The following LPAR1 variants were observed in gnomAD, a reference collection of about 807,000 sequenced individuals.
LPAR1 encodes lysophosphatidic acid receptor 1.
A neutral mutation model predicts 23.8 loss-of-function variants in LPAR1; 5 were observed. That is an observed-to-expected ratio of 0.21 (90% CI 0.11 to 0.44). The LOEUF (loss-of-function observed/expected upper bound fraction) is 0.44. Among genes scored for constraint, LPAR1 ranks in the 20% least tolerant of loss-of-function variants. The probability of loss-of-function intolerance (pLI) is 0.99; values close to 1 mark genes in which losing one functional copy is unlikely to be tolerated. For synonymous variants in LPAR1, 160 were observed against 164.7 expected, an observed-to-expected ratio of 0.97 and a Z score of 0.22; for missense variants, 311 against 482.8, an observed-to-expected ratio of 0.64 and a Z score of 3.33.
In LPAR1 at chr9:110,875,272, C is replaced by A; in HGVS notation, c.*149G>T. On this transcript the variant is annotated 3_prime_UTR_variant, in exon 6 of 6. Coordinates refer to ENST00000683809, the MANE Select transcript of LPAR1 (RefSeq NM_001351411.2). Reference sequence around the variant, plus strand: ...CAATATATATCAAGTCTTGTGGGGTCCAGGAACAAATACTGTCATTGGTTA... The same window carrying A: ...CAATATATATCAAGTCTTGTGGGGTACAGGAACAAATACTGTCATTGGTTA... The A allele has an allele frequency of 1.6e-6, 1 of 620,090 alleles. No homozygotes were observed. Among genetic ancestry groups the A allele is most frequent in the Non-Finnish European group, 2.8e-6 (1 of 361,892 alleles). 38.4% of individuals were successfully genotyped at this position (620,090 alleles called of 1,614,324 possible).
chr9:110,931,049 C>T (rs190480579), intron 5 of LPAR1, among the ~76,000 whole-genome samples: 16 of 152,292 alleles, frequency 1.1e-4, no homozygotes, highest in African/African-American at 3.4e-4. Context: ...TGCCTAACAA[C>T]GGCTATTGTC....
chr9:111,023,728 T>C (rs2097614573), intron 2 of LPAR1, among the ~76,000 whole-genome samples: 2 of 152,226 alleles, frequency 1.3e-5, no homozygotes, highest in East Asian at 3.8e-4. Flanking sequence ...AGTTCATGAC[T>C]AGATAAGTGT....
intron 2 of LPAR1, among the ~76,000 whole-genome samples, chr9:110,980,118 T>G (rs374331805): frequency 1.3e-5 from 2 of 152,150 alleles, no homozygotes; most frequent in Non-Finnish European, 2.9e-5. Flanking sequence ...GTCAAAATCA[T>G]GACCTAACTA....
chr9:110,893,513 T>A (rs191012791), intron 5 of LPAR1, among the ~76,000 whole-genome samples: 96 of 152,306 alleles, frequency 6.3e-4, no homozygotes, highest in African/African-American at 2.2e-3. Context: ...CTTATATGTA[T>A]ATATACCCTA....
At position 110,874,232 on chromosome 9, in the gene LPAR1, A is replaced by G. The variant is rs1007252416; in HGVS notation, c.*1189T>C. 2 of 152,614 alleles carry G rather than the reference A, an allele frequency of 1.3e-5. No individual in the cohort carries two copies. Among genetic ancestry groups the G allele is most frequent in the Non-Finnish European group, 2.9e-5 (2 of 68,034 alleles). 9.5% of individuals were successfully genotyped at this position (152,614 alleles called of 1,614,324 possible). ...AAAATTAGAAACAACCTAAATAGTT[A>G]ACAACATGGGAATGGTTAAATAAAC... On this transcript the variant is annotated 3_prime_UTR_variant, in exon 6 of 6. Coordinates refer to ENST00000683809, the MANE Select transcript of LPAR1 (RefSeq NM_001351411.2).
intron 2 of LPAR1, among the ~76,000 whole-genome samples, chr9:111,007,874 A>C (rs980896110): frequency 1.3e-5 from 2 of 152,162 alleles, no homozygotes; most frequent in African/African-American, 4.8e-5. Flanking sequence ...GGTTTCGAGA[A>C]GTGGTATTAA....
chr9:110,976,032 A>G (rs2096546202), intron 2 of LPAR1, among the ~76,000 whole-genome samples: 1 of 152,192 alleles, frequency 6.6e-6, no homozygotes, highest in African/African-American at 2.4e-5. Context: ...CTTATTTACA[A>G]AACTGCACAA....
At chr9:110,924,238 C>CCA (rs2093843360) in intron 5 of LPAR1, among the ~76,000 whole-genome samples, 1 of 144,036 alleles carries the variant, frequency 6.9e-6, no homozygotes, top group East Asian at 2.0e-4. Flanking sequence ...ATTATAATAG[C>CCA]AAAAAAAAAA....
intron 4 of LPAR1, among the ~76,000 whole-genome samples, chr9:110,960,046 A>G (rs566842374): frequency 5.6e-4 from 85 of 152,314 alleles, no homozygotes; most frequent in Middle Eastern, 6.8e-3. Flanking sequence ...ATGGGTACAA[A>G]CATACAGTTA....
intron 5 of LPAR1, among the ~76,000 whole-genome samples, chr9:110,884,048 G>A: frequency 6.6e-6 from 1 of 150,726 alleles, no homozygotes; most frequent in East Asian, 2.0e-4. Flanking sequence ...CTGTCTTCTA[G>A]TATTTAGTCT....
At chr9:110,879,089 C>T (rs73655648) in intron 5 of LPAR1, among the ~76,000 whole-genome samples, 4,281 of 152,082 alleles carry the variant, frequency 0.028, 217 homozygotes, top group African/African-American at 0.098. Context: ...CAAACCCAGG[C>T]ACAACACCGA....
At chr9:110,946,676 A>T (rs1466971759) in intron 4 of LPAR1, among the ~76,000 whole-genome samples, 1 of 151,538 alleles carries the variant, frequency 6.6e-6, no homozygotes, top group African/African-American at 2.4e-5. Context: ...AGAAAAAAAT[A>T]AATACACACA....
chr9:111,010,955 C>T (rs1233650639), intron 2 of LPAR1, among the ~76,000 whole-genome samples: 2 of 152,180 alleles, frequency 1.3e-5, no homozygotes, highest in Non-Finnish European at 2.9e-5. Flanking sequence ...TTCTGCAGTG[C>T]TTTCCAAATT....
At chr9:110,974,090 C>T (rs374984753) in intron 2 of LPAR1, among the ~76,000 whole-genome samples, 77 of 151,622 alleles carry the variant, frequency 5.1e-4, no homozygotes, top group African/African-American at 1.8e-3. Context: ...ACCCAGGAGG[C>T]GGAGGTTGCA....
At chr9:110,921,218 G>A (rs189161508) in intron 5 of LPAR1, among the ~76,000 whole-genome samples, 5 of 152,166 alleles carry the variant, frequency 3.3e-5, no homozygotes, top group Non-Finnish European at 7.3e-5. Flanking sequence ...AGGCTGCAGT[G>A]AGCTGTGATC....
chr9:111,034,850 G>A (rs144437307), intron 2 of LPAR1, among the ~76,000 whole-genome samples: 5 of 152,046 alleles, frequency 3.3e-5, no homozygotes, highest in East Asian at 1.9e-4. Context: ...TTGTCCCTTC[G>A]TAACTTTCCA....
intron 5 of LPAR1, among the ~76,000 whole-genome samples, chr9:110,889,582 T>C (rs375321545): frequency 6.6e-6 from 1 of 152,210 alleles, no homozygotes; most frequent in East Asian, 1.9e-4. Context: ...CACTGTGTAT[T>C]TTTCACTACT....
chr9:111,026,979 T>C (rs940078669), intron 2 of LPAR1, among the ~76,000 whole-genome samples: 2 of 152,222 alleles, frequency 1.3e-5, no homozygotes, highest in African/African-American at 4.8e-5. Flanking sequence ...GATATTGGCC[T>C]GAAATTTTCT....
At chr9:110,942,396 T>A (rs966193913) in intron 4 of LPAR1, among the ~76,000 whole-genome samples, 9 of 152,202 alleles carry the variant, frequency 5.9e-5, no homozygotes, top group African/African-American at 2.2e-4. Flanking sequence ...AATGACAAGG[T>A]CTCTGCTTAG....
Sources: gnomAD v4.1 joint callset for allele counts (sites outside exome capture counted in the v4.1 genomes callset) on GRCh38, gnomAD v4.1.1 for gene constraint, MANE v1.5 for transcripts, NCBI Gene and HGNC (gene_info 2026-07-23, HGNC 2026-07-21) for gene names.